FMR1NB: variants seen among roughly 807,000 people sequenced by gnomAD.
FMR1NB encodes FMR1 neighbor, also known as FMR1 neighbor protein.
In FMR1NB, 10 loss-of-function variants were observed where a neutral mutation model predicts 16.8. The observed-to-expected ratio is 0.60, with a 90% confidence interval of 0.37 to 1.01. FMR1NB has a LOEUF of 1.01. Among genes scored for constraint, FMR1NB ranks in the 50% least tolerant of loss-of-function variants. The pLI is 0.01. For missense variants in FMR1NB, 205 were observed against 204.8 expected, an observed-to-expected ratio of 1.00 and a Z score of 0.00; for synonymous variants, 83 against 79.1, an observed-to-expected ratio of 1.05 and a Z score of -0.26.
intron 1 of FMR1NB, among the ~76,000 whole-genome samples, chrX:147,983,684 C>A (rs2044462469): frequency 8.9e-6 from 1 of 112,054 alleles, no homozygotes; most frequent in African/African-American, 3.2e-5. Flanking sequence ...TGTGGGTAGT[C>A]TTTTCACTTT....
chrX:147,993,724 C>T, intron 1 of FMR1NB, among the ~76,000 whole-genome samples: 1 of 109,875 alleles, frequency 9.1e-6, no homozygotes, highest in Non-Finnish European at 1.9e-5. Context: ...TATTTACCCT[C>T]CTCCAGGCCT....
intron 1 of FMR1NB, among the ~76,000 whole-genome samples, chrX:147,997,379 G>A (rs1311733231): frequency 9.0e-6 from 1 of 111,694 alleles, no homozygotes. Flanking sequence ...ATTTAATAAA[G>A]GGTATTGGAA....
At chrX:148,016,231 T>C (rs1355114172) in intron 4 of FMR1NB, among the ~76,000 whole-genome samples, 1 of 111,125 alleles carries the variant, frequency 9.0e-6, no homozygotes, top group African/African-American at 3.3e-5. Context: ...TATAGTTTTG[T>C]TTTGAAATAT....
intron 1 of FMR1NB, among the ~76,000 whole-genome samples, chrX:147,989,501 A>C (rs782083215): frequency 3.6e-5 from 4 of 112,131 alleles, no homozygotes; most frequent in Non-Finnish European, 5.6e-5. Context: ...TTGAGGATGC[A>C]GTCTGTCCCT....
At position 147,990,873 on chromosome X, in the gene FMR1NB, CCTT is replaced by C. The variant is rs782166279; in HGVS notation, c.277+9199_277+9201del. 4.1e-4 allele frequency among the ~76,000 whole-genome samples: 45 copies of C among 110,217 alleles called. 1 individual carries two copies. Among genetic ancestry groups the C allele is most frequent in the Non-Finnish European group, 3.8e-5 (2 of 52,845 alleles). On this transcript the variant is annotated intron_variant, in intron 1 of 5. Transcript: ENST00000370467. ...CAGTACCTCCATCACATGGGACTAA[CCTT>C]CTTCACCACACCGCTGAAACCACTA...
At chrX:148,002,569 T>G (rs1328114926) in intron 1 of FMR1NB, among the ~76,000 whole-genome samples, 1 of 112,357 alleles carries the variant, frequency 8.9e-6, no homozygotes. Context: ...CATCAATAAA[T>G]TGTAAACAGC....
intron 4 of FMR1NB, among the ~76,000 whole-genome samples, chrX:148,013,945 C>T (rs1158115291): frequency 9.0e-6 from 1 of 111,211 alleles, no homozygotes; most frequent in Non-Finnish European, 1.9e-5. Flanking sequence ...ACTTACTCTC[C>T]TTGTCATTGT....
chrX:147,996,259 T>C (rs782593783), intron 1 of FMR1NB, among the ~76,000 whole-genome samples: 4 of 112,000 alleles, frequency 3.6e-5, no homozygotes, highest in Non-Finnish European at 7.5e-5. Flanking sequence ...TGTAACAAAC[T>C]GTTTTGCATT....
chrX:147,993,866 T>G (rs782007802), intron 1 of FMR1NB, among the ~76,000 whole-genome samples: 13 of 111,036 alleles, frequency 1.2e-4, no homozygotes, highest in African/African-American at 4.3e-4. Context: ...TCCTTCCACT[T>G]AATGGTCTTT....
intron 4 of FMR1NB, among the ~76,000 whole-genome samples, chrX:148,019,547 C>T (rs1291710767): frequency 9.0e-6 from 1 of 111,548 alleles, no homozygotes; most frequent in Admixed American, 9.5e-5. Flanking sequence ...ACCTGTCTTT[C>T]TTCGGACAGC....
intron 5 of FMR1NB, 149 bp from the exon 6 acceptor site, chrX:148,026,353 C>T (rs185078941): frequency 8.9e-6 from 1 of 111,767 alleles, no homozygotes; most frequent in Non-Finnish European, 1.9e-5. Context: ...AGATGATGTA[C>T]TGGCAAACTG....
chrX:147,989,301 A>G (rs1396182188), intron 1 of FMR1NB, among the ~76,000 whole-genome samples: 1 of 111,659 alleles, frequency 9.0e-6, no homozygotes, highest in Admixed American at 9.5e-5. Context: ...TTCACCCCAG[A>G]CCCTGTTTTC....
chrX:148,023,647 T>C (rs1436060084), intron 4 of FMR1NB, among the ~76,000 whole-genome samples: 4 of 111,784 alleles, frequency 3.6e-5, no homozygotes, highest in African/African-American at 1.3e-4. Flanking sequence ...TGCAAATCTT[T>C]CTTTTTTTCT....
At chrX:147,995,435 G>T (rs2044537050) in intron 1 of FMR1NB, among the ~76,000 whole-genome samples, 1 of 111,558 alleles carries the variant, frequency 9.0e-6, no homozygotes, top group Non-Finnish European at 1.9e-5. Context: ...GTAACTCTGG[G>T]ATATACCTCC....
chrX:148,018,753 C>T (rs1479940857), intron 4 of FMR1NB, among the ~76,000 whole-genome samples: 2 of 111,255 alleles, frequency 1.8e-5, no homozygotes, highest in Non-Finnish European at 3.8e-5. Flanking sequence ...CCATTCAGGA[C>T]ATAGGCATGG....
intron 5 of FMR1NB, chrX:148,026,019 AAAG>A (rs1166030703): frequency 9.0e-6 from 1 of 111,618 alleles, no homozygotes; most frequent in Non-Finnish European, 1.9e-5. Context: ...AGAAGAAAAA[AAAG>A]AAAATCTTTA....
At chrX:148,000,513 CATT>C (rs1365347018) in intron 1 of FMR1NB, among the ~76,000 whole-genome samples, 1 of 112,120 alleles carries the variant, frequency 8.9e-6, no homozygotes, top group African/African-American at 3.2e-5. Context: ...CTATATAAAA[CATT>C]AGCACTTGTG....
intron 1 of FMR1NB, among the ~76,000 whole-genome samples, chrX:147,983,810 C>G (rs1292820289): frequency 8.9e-6 from 1 of 111,885 alleles, no homozygotes; most frequent in Non-Finnish European, 1.9e-5. Flanking sequence ...TTGCCAGATC[C>G]AAGGTCATGA....
chrX:147,987,483 T>G (rs2124611113), intron 1 of FMR1NB, among the ~76,000 whole-genome samples: 1 of 111,581 alleles, frequency 9.0e-6, no homozygotes, highest in African/African-American at 3.3e-5. Flanking sequence ...CTCTTATTAT[T>G]TTGTGATGCT....
Sources: allele counts gnomAD v4.1 joint callset (sites outside exome capture counted in the v4.1 genomes callset), GRCh38; gene constraint gnomAD v4.1.1; transcripts MANE v1.5; gene names NCBI Gene and HGNC (gene_info 2026-07-23, HGNC 2026-07-21).